Variants in MALRD1 observed in about 807,000 individuals in gnomAD.
MALRD1 encodes MAM and LDL receptor class A domain containing 1, also known as MAM and LDL-receptor class A domain-containing protein 1.
MALRD1 carries 247 observed loss-of-function variants against 242.1 expected under a neutral mutation model. The ratio of observed to expected loss-of-function variants is 1.02; its 90% CI spans 0.92 to 1.13. The LOEUF (loss-of-function observed/expected upper bound fraction) is 1.13, where lower values mean the gene tolerates loss of function less well. MALRD1 is among the 50% of genes most tolerant of loss of function. MALRD1 has a pLI of 0.00. For synonymous variants in MALRD1, 995 were observed against 866.6 expected (o/e 1.15, Z -2.60); for missense variants, 2,989 against 2,533.1 (o/e 1.18, Z -3.86).
At chr10:19,630,944 G>T (rs1425301626) in intron 36 of MALRD1, among the ~76,000 whole-genome samples, 1 of 152,098 alleles carries the variant, frequency 6.6e-6, no homozygotes, top group Non-Finnish European at 1.5e-5. Flanking sequence ...TGATGTACAA[G>T]GGAAGGAAGA....
rs551283346 is a variant in MALRD1 at position 19,399,243 on chromosome 10, A to G, written c.4845+9634A>G. 1.4e-4 allele frequency among the ~76,000 whole-genome samples: 22 copies of G among 152,290 alleles called. No individual in the cohort carries two copies. The South Asian group carries it at 4.6e-3, about 32-fold the overall frequency. Reference sequence around the variant, plus strand: ...CTGAGAGCCAGTAAATTTCAATTTAACTTCTGCTTATTTACTGAAAATATT... The same window carrying G: ...CTGAGAGCCAGTAAATTTCAATTTAGCTTCTGCTTATTTACTGAAAATATT... On this transcript the variant is annotated intron_variant, in intron 28 of 39. Transcript: ENST00000454679.
chr10:19,648,192 A>C (rs1840729259), intron 36 of MALRD1, among the ~76,000 whole-genome samples: 1 of 152,224 alleles, frequency 6.6e-6, no homozygotes, highest in South Asian at 2.1e-4. Context: ...ACTAGAGATC[A>C]AGCAGTTCTG....
intron 31 of MALRD1, among the ~76,000 whole-genome samples, chr10:19,504,176 AT>A (rs1838094934): frequency 6.6e-6 from 1 of 152,206 alleles, no homozygotes; most frequent in Admixed American, 6.5e-5. Flanking sequence ...CAGGATGGAT[AT>A]TATTCTGATA....
intron 18 of MALRD1, among the ~76,000 whole-genome samples, chr10:19,210,508 C>G (rs898004771): frequency 6.6e-6 from 1 of 151,864 alleles, no homozygotes; most frequent in Non-Finnish European, 1.5e-5. Context: ...AATATTTGTT[C>G]TTTCATCCTG....
intron 24 of MALRD1, among the ~76,000 whole-genome samples, chr10:19,345,350 A>G (rs755939753): frequency 9.9e-5 from 15 of 152,136 alleles, no homozygotes; most frequent in Non-Finnish European, 1.6e-4. Flanking sequence ...TATTTCTCAC[A>G]GGCTGCTAAA....
rs1485748649 is a variant in MALRD1 at position 19,491,647 on chromosome 10, T to G, written c.5158+2T>G. The G allele has an allele frequency of 1.9e-6, 3 of 1,548,604 alleles. No homozygotes were observed. In the East Asian group the frequency reaches 7.3e-5, roughly 38 times the overall value. ...ATAGGTCTGATGAAGCTCACTGTGGTAAGTTTATCTATCTGCTGTATGGCA... is the reference window on the plus strand; with the variant it reads ...ATAGGTCTGATGAAGCTCACTGTGGGAAGTTTATCTATCTGCTGTATGGCA... On this transcript the variant is annotated splice_donor_variant, in intron 30 of 39. Coordinates refer to ENST00000454679, the MANE Select transcript of MALRD1 (RefSeq NM_001142308.3). LOFTEE classifies it high-confidence loss of function.
At chr10:19,697,763 T>G (rs941648948) in intron 38 of MALRD1, among the ~76,000 whole-genome samples, 1 of 152,218 alleles carries the variant, frequency 6.6e-6, no homozygotes, top group Admixed American at 6.5e-5. Flanking sequence ...TCTTTAATTT[T>G]ACATGTTCCT....
chr10:19,530,338 AT>A, intron 31 of MALRD1, among the ~76,000 whole-genome samples: 1 of 132,602 alleles, frequency 7.5e-6, no homozygotes, highest in South Asian at 2.2e-4. Flanking sequence ...AATATATAAT[AT>A]TTATATAAAT....
At chr10:19,665,511 G>GT (rs1039731033) in intron 36 of MALRD1, among the ~76,000 whole-genome samples, 2 of 151,950 alleles carry the variant, frequency 1.3e-5, no homozygotes, top group African/African-American at 2.4e-5. Context: ...ATTCTCTGTG[G>GT]TTTTTTTCTC....
chr10:19,495,100 A>G (rs1255966602), intron 30 of MALRD1, among the ~76,000 whole-genome samples: 1 of 151,688 alleles, frequency 6.6e-6, no homozygotes, highest in African/African-American at 2.4e-5. Context: ...CCTCAGCCTC[A>G]TTAGCAGCTT....
At chr10:19,425,493 A>G (rs1833871047) in intron 28 of MALRD1, among the ~76,000 whole-genome samples, 1 of 151,976 alleles carries the variant, frequency 6.6e-6, no homozygotes, top group Admixed American at 6.6e-5. Flanking sequence ...TCTGTCTGTG[A>G]CTGTCTTTTC....
rs34205203 is a variant in MALRD1, at chr10:19,720,705, A to AT, written c.6315-9993dup. Among the ~76,000 whole-genome samples the AT allele has an allele frequency of 9.2e-3, 1,400 of 151,966 alleles. 22 individuals carry two copies. Among genetic ancestry groups the AT allele is most frequent in the East Asian group, 0.052 (270 of 5,176 alleles). ...TTGTTTTATGTTCTTTTACTGTGCT[A>AT]TTTTTTTTATAAAATGCTATAAATC... is the stretch of plus-strand genomic sequence containing the variant. On this transcript the variant is annotated intron_variant, in intron 38 of 39. Coordinates refer to ENST00000454679, the MANE Select transcript of MALRD1 (RefSeq NM_001142308.3).
intron 29 of MALRD1, among the ~76,000 whole-genome samples, chr10:19,486,053 A>G (rs1837224580): frequency 6.6e-6 from 1 of 151,890 alleles, no homozygotes; most frequent in African/African-American, 2.4e-5. Flanking sequence ...AAAAAAATTT[A>G]AAAAGAAAAA....
chr10:19,705,238 G>A (rs1251378386), intron 38 of MALRD1, among the ~76,000 whole-genome samples: 2 of 152,166 alleles, frequency 1.3e-5, no homozygotes, highest in Admixed American at 6.6e-5. Flanking sequence ...TGCGCCCACC[G>A]ATGAATATTT....
chr10:19,331,019 G>T (rs1188102834), intron 23 of MALRD1, among the ~76,000 whole-genome samples: 1 of 152,154 alleles, frequency 6.6e-6, no homozygotes, highest in African/African-American at 2.4e-5. Context: ...GCTTTCCTGT[G>T]CAGTGATGCT....
intron 5 of MALRD1, among the ~76,000 whole-genome samples, chr10:19,116,956 G>A (rs191430135): frequency 3.2e-4 from 49 of 151,956 alleles, no homozygotes; most frequent in African/African-American, 7.0e-4. Context: ...TTAGCCAGGC[G>A]TGGTGGCGGG....
chr10:19,682,370 C>T (rs7895738), intron 36 of MALRD1, among the ~76,000 whole-genome samples: 9,306 of 152,182 alleles, frequency 0.061, 354 homozygotes, highest in Middle Eastern at 0.1. Flanking sequence ...AAAACTCCTT[C>T]GTTATAACCT....
At chr10:19,128,700 T>C (rs1837358158) in intron 8 of MALRD1, among the ~76,000 whole-genome samples, 2 of 152,216 alleles carry the variant, frequency 1.3e-5, no homozygotes. Context: ...ATTGAAGCTC[T>C]GATGTGATCT....
intron 26 of MALRD1, among the ~76,000 whole-genome samples, chr10:19,374,686 G>C (rs531250532): frequency 3.5e-4 from 53 of 152,224 alleles, no homozygotes; most frequent in Non-Finnish European, 5.6e-4. Flanking sequence ...GCCCTTTTCA[G>C]TTTTCACTCT....
Sources: allele counts gnomAD v4.1 joint callset (sites outside exome capture counted in the v4.1 genomes callset), GRCh38; gene constraint gnomAD v4.1.1; transcripts MANE v1.5; gene names NCBI Gene and HGNC (gene_info 2026-07-23, HGNC 2026-07-21).